Variants in NINL observed in about 807,000 individuals in gnomAD.
The protein encoded by NINL is ninein like, also known as ninein-like protein.
In NINL, 153 loss-of-function variants were observed where a neutral mutation model predicts 160.3. The observed-to-expected ratio is 0.95, with a 90% CI of 0.84 to 1.09. The LOEUF is 1.09. Ranked by LOEUF, NINL falls within the 50% of genes least tolerant of loss-of-function variation. NINL has a pLI of 0.00. For missense variants in NINL, 1,829 were observed against 1,764.0 expected (o/e 1.04, Z -0.66); for synonymous variants, 800 against 734.8 (o/e 1.09, Z -1.43).
chr20:25,534,009 G>A (rs752353670), intron 1 of NINL, among the ~76,000 whole-genome samples: 2 of 152,190 alleles, frequency 1.3e-5, no homozygotes, highest in Non-Finnish European at 2.9e-5. Context: ...AAGGCACTGC[G>A]GGGCCAGGAT....
chr20:25,528,125 G>T (rs1396391770), intron 1 of NINL, among the ~76,000 whole-genome samples: 5 of 152,120 alleles, frequency 3.3e-5, no homozygotes, highest in Non-Finnish European at 5.9e-5. Flanking sequence ...GAACTCTTGG[G>T]CTCAAGAGAT....
chr20:25,495,339 G>A (rs1409042011), intron 10 of NINL, among the ~76,000 whole-genome samples: 3 of 152,182 alleles, frequency 2.0e-5, no homozygotes, highest in African/African-American at 2.4e-5. Context: ...CAAGCAAACC[G>A]CCCGCATCCC....
At chr20:25,457,303 A>G (rs2090711899) in intron 22 of NINL, among the ~76,000 whole-genome samples, 1 of 152,192 alleles carries the variant, frequency 6.6e-6, no homozygotes, top group African/African-American at 2.4e-5. Flanking sequence ...CAGCCTGGCA[A>G]CAGAGTCAGA....
At chr20:25,554,336 CAGGTAG>C (rs2064839274) in intron 1 of NINL, among the ~76,000 whole-genome samples, 1 of 152,108 alleles carries the variant, frequency 6.6e-6, no homozygotes, top group African/African-American at 2.4e-5. Context: ...AAACCCCTGC[CAGGTAG>C]AGACATAGCC....
At chr20:25,569,311 C>A (rs73337364) in intron 1 of NINL, among the ~76,000 whole-genome samples, 13,319 of 151,056 alleles carry the variant, frequency 0.088, 966 homozygotes, top group African/African-American at 0.2. Context: ...AATCTACAAA[C>A]ACTTGAAAAC....
At chr20:25,564,306 CACCCAGCTAATTAACTT>C in intron 1 of NINL, among the ~76,000 whole-genome samples, 1 of 151,974 alleles carries the variant, frequency 6.6e-6, no homozygotes, top group East Asian at 1.9e-4. Context: ...TACTCTACCA[CACCCAGCTAATTAACTT>C]TTTGTTTTTT....
At chr20:25,566,478 A>C (rs1319662292) in intron 1 of NINL, among the ~76,000 whole-genome samples, 2 of 152,218 alleles carry the variant, frequency 1.3e-5, no homozygotes, top group East Asian at 3.8e-4. Context: ...GATCTGACAA[A>C]GATTTTGCAA....
At position 25,453,601 on chromosome 20, in the gene NINL, C is replaced by T; in HGVS notation, c.3999G>A (p.Leu1333=). The stretch of plus-strand genomic sequence containing the variant: ...TCACCAGGTGGGCGTTCTCCACGTA[C>T]AGCTCCTTCAGCAGCAGGTCGGACT... The part of the protein sequence containing the change: ...NTKSDLLLKE[L]YVENAHLVRA... The change falls in exon 24 of 24, where the codon CTG becomes CTA. Residue 1333 remains leucine, a synonymous_variant. Transcript: ENST00000278886. 6.2e-7 allele frequency: 1 copy of T among 1,612,108 alleles called. No individual in the cohort carries two copies. Among genetic ancestry groups the T allele is most frequent in the East Asian group, 2.2e-5 (1 of 44,826 alleles).
At chr20:25,557,972 T>C (rs887927356) in intron 1 of NINL, among the ~76,000 whole-genome samples, 40 of 31,880 alleles carry the variant, frequency 1.3e-3, no homozygotes, top group African/African-American at 3.6e-3. Context: ...CTACTAAAAA[T>C]ACAAAAAAAA....
At chr20:25,529,871 A>G (rs2146981262) in intron 1 of NINL, among the ~76,000 whole-genome samples, 1 of 152,268 alleles carries the variant, frequency 6.6e-6, no homozygotes, top group Non-Finnish European at 1.5e-5. Flanking sequence ...AATGAAAAAG[A>G]AAGACAAGTG....
intron 2 of NINL, among the ~76,000 whole-genome samples, chr20:25,525,314 A>G (rs2064337782): frequency 6.6e-6 from 1 of 152,202 alleles, no homozygotes; most frequent in Admixed American, 6.5e-5. Context: ...CCCAAGGGCC[A>G]TTTCAGGAAA....
At chr20:25,523,495 C>T (rs1030505294) in intron 2 of NINL, among the ~76,000 whole-genome samples, 1 of 152,208 alleles carries the variant, frequency 6.6e-6, no homozygotes, top group African/African-American at 2.4e-5. Context: ...TTAAGCAATC[C>T]TCTCACATTG....
chr20:25,568,904 C>T (rs2065023126), intron 1 of NINL, among the ~76,000 whole-genome samples: 1 of 151,122 alleles, frequency 6.6e-6, no homozygotes, highest in African/African-American at 2.4e-5. Context: ...CTGGGCAACA[C>T]ATTGAGACCC....
intron 1 of NINL, among the ~76,000 whole-genome samples, chr20:25,580,588 G>A (rs993161781): frequency 6.6e-6 from 1 of 152,132 alleles, no homozygotes; most frequent in African/African-American, 2.4e-5. Flanking sequence ...AAGACAATCG[G>A]GTTCAGAAAG....
At chr20:25,499,653 G>A (rs1395458064) in intron 8 of NINL, among the ~76,000 whole-genome samples, 2 of 152,100 alleles carry the variant, frequency 1.3e-5, no homozygotes, top group South Asian at 2.1e-4. Context: ...TGGGGGACTC[G>A]GTAACAGATG....
At chr20:25,524,299 A>C (rs1439655031) in intron 2 of NINL, among the ~76,000 whole-genome samples, 1 of 152,264 alleles carries the variant, frequency 6.6e-6, no homozygotes, top group African/African-American at 2.4e-5. Context: ...TGTTACAGAG[A>C]GAAGAGAAAG....
intron 19 of NINL, among the ~76,000 whole-genome samples, chr20:25,463,954 G>A (rs2062851778): frequency 6.6e-6 from 1 of 152,200 alleles, no homozygotes; most frequent in Non-Finnish European, 1.5e-5. Context: ...TAGAGCTCAT[G>A]TGTTTTATGA....
chr20:25,514,246 G>C (rs931570562), intron 3 of NINL, among the ~76,000 whole-genome samples: 7 of 152,218 alleles, frequency 4.6e-5, no homozygotes, highest in African/African-American at 1.7e-4. Flanking sequence ...TTAGCAAAGA[G>C]CCTGGTGGCT....
intron 1 of NINL, among the ~76,000 whole-genome samples, chr20:25,553,817 C>T (rs1396969207): frequency 6.6e-6 from 1 of 152,222 alleles, no homozygotes; most frequent in African/African-American, 2.4e-5. Flanking sequence ...TTTCCTGCTC[C>T]CTGCTCACTC....
Sources: allele counts gnomAD v4.1 joint callset (sites outside exome capture counted in the v4.1 genomes callset), GRCh38; gene constraint gnomAD v4.1.1; transcripts MANE v1.5; gene names NCBI Gene and HGNC (gene_info 2026-07-23, HGNC 2026-07-21).